The following LNX1 variants were observed in gnomAD, a reference collection of about 807,000 sequenced individuals.
LNX1 encodes ligand of numb-protein X 1.
LNX1 carries 54 observed loss-of-function variants against 68.4 expected under a neutral mutation model. The observed-to-expected ratio is 0.79, with a 90% CI of 0.63 to 0.99. The LOEUF (loss-of-function observed/expected upper bound fraction) is 0.99. Among genes scored for constraint, LNX1 ranks in the 50% least tolerant of loss-of-function variants. LNX1 has a pLI of 0.00. For synonymous variants in LNX1, 336 were observed against 350.0 expected, an observed-to-expected ratio of 0.96 and a Z score of 0.45; for missense variants, 906 against 926.4, an observed-to-expected ratio of 0.98 and a Z score of 0.29.
chr4:53,594,608 C>T (rs188022061), upstream of LNX1, among the ~76,000 whole-genome samples: 23 of 152,262 alleles, frequency 1.5e-4, no homozygotes, highest in Admixed American at 9.8e-4. Flanking sequence ...TCAGAAGGAA[C>T]TTTGGAATCT....
chr4:53,477,501 G>C lies in LNX1; in HGVS notation c.1664-520C>G, dbSNP rs1352458901. Among the ~76,000 whole-genome samples the C allele has an allele frequency of 2.6e-5, 4 of 152,136 alleles. No homozygotes were observed. In the East Asian group the frequency reaches 5.8e-4, roughly 22 times the overall value. On this transcript the variant is annotated intron_variant, in intron 8 of 10. Transcript: ENST00000263925. Reference sequence around the variant, plus strand: ...AAAGAAAAACATTTTCATTGCTAAGGTGAAAATAGCTACTATTGGTTAAGC... The same window carrying C: ...AAAGAAAAACATTTTCATTGCTAAGCTGAAAATAGCTACTATTGGTTAAGC...
chr4:53,611,169 C>T (rs2668546), intron 2 of LNX1, among the ~76,000 whole-genome samples: 117,111 of 151,866 alleles, frequency 0.77, 45,562 homozygotes, highest in East Asian at 0.91. Context: ...GATCTACAAA[C>T]AGGCAAAAAT....
chr4:53,465,330 T>C (rs1722593632), intron 9 of LNX1, among the ~76,000 whole-genome samples: 2 of 152,236 alleles, frequency 1.3e-5, no homozygotes, highest in Admixed American at 1.3e-4. Flanking sequence ...TAGTTCGTTA[T>C]GATTAGCTTC....
intron 1 of LNX1, chr4:53,579,195 T>C (rs1490497732): frequency 1.2e-6 from 1 of 851,136 alleles, no homozygotes; most frequent in South Asian, 5.4e-5. Flanking sequence ...TGTGATACAG[T>C]GTTTTGGCAG....
At chr4:53,498,518 A>G in intron 5 of LNX1, 123 bp downstream of exon 5, 2 of 689,786 alleles carry the variant, frequency 2.9e-6, no homozygotes, top group Non-Finnish European at 5.1e-6. Flanking sequence ...AAATGATAGA[A>G]AGTCACTATC....
chr4:53,633,225 C>G (rs1207542209), intron 1 of LNX1, among the ~76,000 whole-genome samples: 1 of 152,156 alleles, frequency 6.6e-6, no homozygotes, highest in African/African-American at 2.4e-5. Flanking sequence ...ATGTGAAAAC[C>G]TATGGCACAT....
intron 1 of LNX1, among the ~76,000 whole-genome samples, chr4:53,581,894 G>A (rs1488029293): frequency 6.6e-6 from 1 of 152,102 alleles, no homozygotes; most frequent in Non-Finnish European, 1.5e-5. Flanking sequence ...AATAACTTTA[G>A]CTTACTGATC....
At chr4:53,519,666 C>CTCTG (rs60802297) in intron 2 of LNX1, among the ~76,000 whole-genome samples, 2 of 149,162 alleles carry the variant, frequency 1.3e-5, no homozygotes, top group African/African-American at 4.9e-5. Flanking sequence ...ATCTGACACA[C>CTCTG]ACACACATGC....
chr4:53,576,732 A>G (rs1560677219), intron 1 of LNX1, among the ~76,000 whole-genome samples: 1 of 152,262 alleles, frequency 6.6e-6, no homozygotes, highest in Non-Finnish European at 1.5e-5. Context: ...GCTTTCCACA[A>G]GAACATAAAG....
chr4:53,496,536 C>T (rs1560627652), intron 5 of LNX1, 142 bp from the exon 6 acceptor site: 3 of 1,033,840 alleles, frequency 2.9e-6, no homozygotes, highest in Non-Finnish European at 1.4e-6. Context: ...ATAACCGCAC[C>T]TTCCAACAGC....
exon 1 of LNX1, chr4:53,617,272 A>G (rs984726240): frequency 6.6e-6 from 1 of 152,198 alleles, no homozygotes; most frequent in Non-Finnish European, 1.5e-5. Flanking sequence ...AATCTGAGTC[A>G]TATTTCAAAT....
intron 9 of LNX1, among the ~76,000 whole-genome samples, chr4:53,462,695 T>A (rs1271508017): frequency 1.3e-5 from 2 of 152,186 alleles, no homozygotes; most frequent in African/African-American, 2.4e-5. Context: ...GGCAAATACC[T>A]TTAAAATGTA....
chr4:53,621,878 C>T (rs749426501), upstream of LNX1, among the ~76,000 whole-genome samples: 4 of 152,090 alleles, frequency 2.6e-5, no homozygotes, highest in Non-Finnish European at 4.4e-5. Context: ...TCACCCCCAC[C>T]GGATTTGTTG....
chr4:53,502,481 G>C (rs1182129158), intron 4 of LNX1, among the ~76,000 whole-genome samples: 2 of 152,162 alleles, frequency 1.3e-5, no homozygotes, highest in African/African-American at 4.8e-5. Context: ...GCTGTTTAAC[G>C]ATCATCTGAG....
chr4:53,529,884 C>G (rs1727896894), intron 2 of LNX1, among the ~76,000 whole-genome samples: 2 of 152,286 alleles, frequency 1.3e-5, no homozygotes, highest in South Asian at 2.1e-4. Flanking sequence ...CAAAAAGCTT[C>G]TCTATTCCAA....
At chr4:53,510,224 C>G (rs1490832598) in intron 2 of LNX1, among the ~76,000 whole-genome samples, 1 of 152,202 alleles carries the variant, frequency 6.6e-6, no homozygotes, top group East Asian at 1.9e-4. Flanking sequence ...GATTTCAAAG[C>G]CACAAGAGTC....
chr4:53,489,617 C>A (rs1724549447), intron 6 of LNX1, among the ~76,000 whole-genome samples: 1 of 152,068 alleles, frequency 6.6e-6, no homozygotes, highest in East Asian at 1.9e-4. Flanking sequence ...AGTGAAGTTT[C>A]AAGATCCCCT....
chr4:53,626,209 A>G lies in LNX1; in HGVS notation c.-215+25959T>C, dbSNP rs79503218. 7.0e-3 allele frequency among the ~76,000 whole-genome samples: 1,062 copies of G among 152,260 alleles called. 13 individuals carry two copies. The highest frequency in any genetic ancestry group is 0.024 in the African/African-American group (1,001 of 41,564). ...AGGAAAATCTATGCAGATAGAAAAT[A>G]TGTTCGTTTTCAAGGACTGAGCAGA... On this transcript the variant is annotated intron_variant, in intron 1 of 2. Transcript: ENST00000507168.
At chr4:53,629,584 C>T (rs1181833311) in intron 1 of LNX1, among the ~76,000 whole-genome samples, 6 of 152,142 alleles carry the variant, frequency 3.9e-5, no homozygotes, top group Admixed American at 3.3e-4. Flanking sequence ...CAAAGCTGCT[C>T]GAAACCAGTG....
Sources: allele counts gnomAD v4.1 joint callset (sites outside exome capture counted in the v4.1 genomes callset), GRCh38; gene constraint gnomAD v4.1.1; transcripts MANE v1.5; gene names NCBI Gene and HGNC (gene_info 2026-07-23, HGNC 2026-07-21).